AGAP1: variants seen among roughly 807,000 people sequenced by gnomAD.
The protein encoded by AGAP1 is arf-GAP with GTPase, ANK repeat and PH domain-containing protein 1.
AGAP1 carries 29 observed loss-of-function variants against 105.3 expected under a neutral mutation model. The observed-to-expected ratio is 0.28, with a 90% CI of 0.21 to 0.38. AGAP1 has a LOEUF of 0.38. AGAP1 is among the 10% of genes least tolerant of loss of function. The pLI is 1.00. For missense variants in AGAP1, 998 were observed against 1,165.1 expected (o/e 0.86, Z 2.09); for synonymous variants, 509 against 485.9 (o/e 1.05, Z -0.63).
rs368300437 is a variant in AGAP1 at position 235,587,522 on chromosome 2, T to C, written c.163+92673T>C. ...ATTCCAGAACTTTGGGAGGCTGAGG[T>C]GGGCGGATCACTTGAGGTCAGGAGT... On this transcript the variant is annotated intron_variant, in intron 1 of 17. Transcript: ENST00000304032. Among the ~76,000 whole-genome samples, 14 of 151,918 alleles carry C rather than the reference T, an allele frequency of 9.2e-5. No individual in the cohort carries two copies. The East Asian group carries it at 2.5e-3, about 27-fold the overall frequency.
rs112354777 is a variant in AGAP1, at chr2:235,599,318, C to T, written c.163+104469C>T. On this transcript the variant is annotated intron_variant, in intron 1 of 17. Coordinates refer to ENST00000304032, the MANE Select transcript of AGAP1 (RefSeq NM_001037131.3). The surrounding 1 kb of genome is among the most constrained non-coding windows in gnomAD (Gnocchi z 5.3). ...TGGGGGGGTGGCAGTGTGCTTTCTT[C>T]CTGCCCCAATTTTGCCCAGGAGGAG... Among the ~76,000 whole-genome samples the T allele has an allele frequency of 2.6e-5, 4 of 152,134 alleles. No homozygotes were observed. The highest frequency in any genetic ancestry group is 9.6e-5 in the African/African-American group (4 of 41,522).
chr2:235,860,950 AG>A (rs1214475919), intron 9 of AGAP1, among the ~76,000 whole-genome samples: 1 of 152,216 alleles, frequency 6.6e-6, no homozygotes, highest in Non-Finnish European at 1.5e-5. Flanking sequence ...TCAGCCTCCA[AG>A]GGCTGTTCTC....
chr2:235,924,627 AG>A (rs1268872275), intron 11 of AGAP1, among the ~76,000 whole-genome samples: 1 of 152,220 alleles, frequency 6.6e-6, no homozygotes, highest in East Asian at 1.9e-4. Flanking sequence ...AGTCTCTTGC[AG>A]CAATAGCAAT....
chr2:235,644,217 A>G (rs1490695980), intron 1 of AGAP1, among the ~76,000 whole-genome samples: 1 of 152,194 alleles, frequency 6.6e-6, no homozygotes, highest in African/African-American at 2.4e-5. Flanking sequence ...AGATGAGAGG[A>G]TGGGAGAAGA....
In AGAP1 at chr2:235,559,332, G is replaced by A. The variant is rs755687894; in HGVS notation, c.163+64483G>A. Among the ~76,000 whole-genome samples, 1 of 152,174 alleles carries A rather than the reference G, an allele frequency of 6.6e-6. No homozygotes were observed. Among genetic ancestry groups the A allele is most frequent in the Non-Finnish European group, 1.5e-5 (1 of 68,030 alleles). On this transcript the variant is annotated intron_variant, in intron 1 of 17. Coordinates refer to ENST00000304032, the MANE Select transcript of AGAP1 (RefSeq NM_001037131.3). This position sits in a 1 kb window ranked among gnomAD's most constrained non-coding sequence, Gnocchi z 5.7. ...TTTGGAAGGTTGTTCTGACAAGCAA[G>A]TGCTGATGTTTTGTACTTGATCGGC...
chr2:235,974,920 A>G (rs1361739124), intron 13 of AGAP1, among the ~76,000 whole-genome samples: 1 of 152,264 alleles, frequency 6.6e-6, no homozygotes, highest in African/African-American at 2.4e-5. Flanking sequence ...GAGCCTGATT[A>G]TGGAGATAAG....
intron 2 of AGAP1, among the ~76,000 whole-genome samples, chr2:235,713,515 C>T (rs1046798962): frequency 1.6e-4 from 24 of 152,322 alleles, no homozygotes; most frequent in African/African-American, 5.8e-4. Context: ...CTCTGCATTA[C>T]GCAGGGATTC....
rs768164878 is a variant in AGAP1, at chr2:235,689,350, T to G, written c.164-19829T>G. 1.3e-5 allele frequency among the ~76,000 whole-genome samples: 2 copies of G among 152,262 alleles called. No homozygotes were observed. Among genetic ancestry groups the G allele is most frequent in the Non-Finnish European group, 2.9e-5 (2 of 68,052 alleles). On this transcript the variant is annotated intron_variant, in intron 1 of 17. Coordinates refer to ENST00000304032, the MANE Select transcript of AGAP1 (RefSeq NM_001037131.3). The surrounding 1 kb of genome is among the most constrained non-coding windows in gnomAD (Gnocchi z 4.2). The stretch of plus-strand genomic sequence containing the variant: ...CCACGCGGGCCTGGAGTGAGCCTGC[T>G]GCTGTTCATCGGCCCGTAGGGTCTC...
At chr2:235,761,750 T>C (rs1954460464) in intron 6 of AGAP1, among the ~76,000 whole-genome samples, 1 of 152,208 alleles carries the variant, frequency 6.6e-6, no homozygotes, top group Non-Finnish European at 1.5e-5. Flanking sequence ...CAGAAGTTGT[T>C]ATAATCTGTA....
At chr2:235,658,904 CTGAG>C (rs768927593) in intron 1 of AGAP1, among the ~76,000 whole-genome samples, 23 of 152,350 alleles carry the variant, frequency 1.5e-4, no homozygotes, top group Admixed American at 1.2e-3. Context: ...ACTACCATTT[CTGAG>C]TACTTTCTCC....
At chr2:235,528,601 C>A (rs548642518) in intron 1 of AGAP1, among the ~76,000 whole-genome samples, 20 of 152,092 alleles carry the variant, frequency 1.3e-4, no homozygotes, top group African/African-American at 4.8e-4. Context: ...ATGTTTGCTC[C>A]GCTTGTTTCA....
intron 8 of AGAP1, among the ~76,000 whole-genome samples, chr2:235,803,884 T>G (rs1957707349): frequency 6.6e-6 from 1 of 152,214 alleles, no homozygotes; most frequent in East Asian, 1.9e-4. Context: ...AAAACAAACA[T>G]TAAAAGACTG....
At chr2:235,846,843 G>A (rs955899834) in intron 9 of AGAP1, among the ~76,000 whole-genome samples, 3 of 152,124 alleles carry the variant, frequency 2.0e-5, no homozygotes, top group Non-Finnish European at 2.9e-5. Context: ...TCCCAGGCTG[G>A]TCTGGAACTC....
At chr2:235,509,338 A>G (rs938196795) in intron 1 of AGAP1, among the ~76,000 whole-genome samples, 12 of 152,052 alleles carry the variant, frequency 7.9e-5, no homozygotes, top group Non-Finnish European at 1.6e-4. Flanking sequence ...GGGTTCAAGC[A>G]ATTCTCCTTC....
In AGAP1 at chr2:236,127,831, G is replaced by C. The variant is rs768242427; in HGVS notation, c.*3709G>C. On this transcript the variant is annotated 3_prime_UTR_variant, in exon 18 of 18. Transcript: ENST00000304032. The surrounding 1 kb of genome is among the most constrained non-coding windows in gnomAD (Gnocchi z 6.6). ...AGGATTCCTCTGCAACTCTAGGCAA[G>C]CACCCAGCTTCCTGGGCTCTTTTTC... 6.6e-6 allele frequency: 1 copy of C among 152,268 alleles called. No homozygotes were observed. The highest frequency in any genetic ancestry group is 1.5e-5 in the Non-Finnish European group (1 of 68,076). 9.4% of individuals were successfully genotyped at this position (152,268 alleles called of 1,614,324 possible).
intron 10 of AGAP1, among the ~76,000 whole-genome samples, chr2:235,890,158 T>G (rs995908869): frequency 7.7e-6 from 1 of 129,326 alleles, no homozygotes; most frequent in African/African-American, 2.8e-5. Flanking sequence ...ACTGTAGTTA[T>G]TCCCTTTTTT....
intron 1 of AGAP1, among the ~76,000 whole-genome samples, chr2:235,543,869 A>G (rs914799234): frequency 2.0e-5 from 3 of 152,166 alleles, no homozygotes; most frequent in Admixed American, 1.3e-4. Flanking sequence ...CGTGCCCTCT[A>G]AAAGCATAGA....
rs2054254943 is a variant in AGAP1 at position 235,963,051 on chromosome 2, T to C, written c.1484-5411T>C. ...AAGGAAAACGTGGATGTGGAGGAAA[T>C]GCTGATGGGTTGGCTGTGGTGGTCT... is the stretch of plus-strand genomic sequence containing the variant. On this transcript the variant is annotated intron_variant, in intron 12 of 17. Transcript: ENST00000304032. This position sits in a 1 kb window ranked among gnomAD's most constrained non-coding sequence, Gnocchi z 5.1. Among the ~76,000 whole-genome samples the C allele has an allele frequency of 6.6e-6, 1 of 152,092 alleles. No homozygotes were observed. Among genetic ancestry groups the C allele is most frequent in the Non-Finnish European group, 1.5e-5 (1 of 68,024 alleles).
rs1457278138 is a variant in AGAP1 at position 235,970,656 on chromosome 2, A to G, written c.1645+2033A>G. On this transcript the variant is annotated intron_variant, in intron 13 of 17. Coordinates refer to ENST00000304032, the MANE Select transcript of AGAP1 (RefSeq NM_001037131.3). The surrounding 1 kb of genome is among the most constrained non-coding windows in gnomAD (Gnocchi z 5.4). ...GTGGGAACTGACCGTTGCCACTTAG[A>G]TACACGTTCATTATCCCACCCACGT... is the stretch of plus-strand genomic sequence containing the variant. Among the ~76,000 whole-genome samples, 10 of 152,214 alleles carry G rather than the reference A, an allele frequency of 6.6e-5. No individual in the cohort carries two copies. The South Asian group carries it at 2.1e-3, about 32-fold the overall frequency.
Sources: gnomAD v4.1 joint callset for allele counts (sites outside exome capture counted in the v4.1 genomes callset) on GRCh38, gnomAD v4.1.1 for gene constraint, Gnocchi (gnomAD v3.1) non-coding constraint, MANE v1.5 for transcripts, NCBI Gene and HGNC (gene_info 2026-07-23, HGNC 2026-07-21) for gene names.